The following FHIT variants were observed in gnomAD, a reference collection of about 807,000 sequenced individuals.
FHIT encodes the protein fragile histidine triad diadenosine triphosphatase.
In FHIT, 19 loss-of-function variants were observed where a neutral mutation model predicts 17.9. The ratio of observed to expected loss-of-function variants is 1.06; its 90% confidence interval spans 0.74 to 1.56. FHIT has a LOEUF of 1.56. FHIT is among the 40% of genes most tolerant of loss of function. The pLI is 0.00. For synonymous variants in FHIT, 81 were observed against 69.7 expected, an observed-to-expected ratio of 1.16 and a Z score of -0.81; for missense variants, 248 against 189.2, an observed-to-expected ratio of 1.31 and a Z score of -1.82.
chr3:60,398,248 C>T (rs1701529098), intron 5 of FHIT, among the ~76,000 whole-genome samples: 1 of 152,104 alleles, frequency 6.6e-6, no homozygotes, highest in African/African-American at 2.4e-5. Context: ...CTGTGGTTAT[C>T]GGAAACCTGA....
chr3:61,056,544 A>G (rs551701571), intron 2 of FHIT, among the ~76,000 whole-genome samples: 1 of 152,312 alleles, frequency 6.6e-6, no homozygotes, highest in African/African-American at 2.4e-5. Context: ...ACCCCAGACA[A>G]GGTGGTCAGG....
intron 8 of FHIT, among the ~76,000 whole-genome samples, chr3:59,790,506 TTCTCTCTC>T (rs574974245): frequency 4.6e-5 from 7 of 150,662 alleles, no homozygotes; most frequent in East Asian, 3.9e-4. Context: ...CTCTCTCTCT[TTCTCTCTC>T]TCTCTCTCTC....
At chr3:60,404,067 A>C (rs974542629) in intron 5 of FHIT, among the ~76,000 whole-genome samples, 1 of 152,202 alleles carries the variant, frequency 6.6e-6, no homozygotes, top group Non-Finnish European at 1.5e-5. Flanking sequence ...TTGTGGGCCA[A>C]GTCTGCCTTT....
At chr3:60,120,107 A>G (rs1482399905) in intron 5 of FHIT, among the ~76,000 whole-genome samples, 2 of 152,034 alleles carry the variant, frequency 1.3e-5, no homozygotes, top group African/African-American at 4.8e-5. Flanking sequence ...CCTTCCACCA[A>G]CCTTTTCCAG....
At chr3:60,298,715 T>C (rs532800784) in intron 5 of FHIT, among the ~76,000 whole-genome samples, 1 of 152,180 alleles carries the variant, frequency 6.6e-6, no homozygotes, top group Non-Finnish European at 1.5e-5. Context: ...GGAATTGATA[T>C]GATCATGTCA....
intron 7 of FHIT, among the ~76,000 whole-genome samples, chr3:59,972,472 G>T (rs973851701): frequency 2.0e-5 from 3 of 151,960 alleles, no homozygotes; most frequent in Non-Finnish European, 4.4e-5. Context: ...TAGCTCTATG[G>T]GTCAGGGTTG....
intron 1 of FHIT, among the ~76,000 whole-genome samples, chr3:61,205,673 T>C (rs530143234): frequency 6.6e-6 from 1 of 151,002 alleles, no homozygotes; most frequent in African/African-American, 2.4e-5. Context: ...GGGGTTGTTT[T>C]TGTCTTGTAA....
At chr3:61,121,724 C>G (rs143160645) in intron 2 of FHIT, among the ~76,000 whole-genome samples, 206 of 152,302 alleles carry the variant, frequency 1.4e-3, no homozygotes, top group African/African-American at 4.6e-3. Flanking sequence ...AAGACAGGAT[C>G]AAATTCACAC....
intron 4 of FHIT, among the ~76,000 whole-genome samples, chr3:60,707,064 A>G (rs540613780): frequency 6.6e-6 from 1 of 152,316 alleles, no homozygotes; most frequent in South Asian, 2.1e-4. Context: ...ATTTACTTCA[A>G]TATTCTACCC....
At chr3:60,530,334 T>C (rs1478934170) in intron 5 of FHIT, among the ~76,000 whole-genome samples, 1 of 152,156 alleles carries the variant, frequency 6.6e-6, no homozygotes, top group Admixed American at 6.5e-5. Flanking sequence ...GAACAGTGTT[T>C]CGTGGGTATG....
intron 2 of FHIT, among the ~76,000 whole-genome samples, chr3:61,195,112 C>G (rs2038817956): frequency 6.6e-6 from 1 of 151,554 alleles, no homozygotes; most frequent in Admixed American, 6.6e-5. Flanking sequence ...ATTTAGGGAA[C>G]TCTCAGGGAA....
intron 2 of FHIT, among the ~76,000 whole-genome samples, chr3:61,063,883 T>G (rs1347885639): frequency 2.6e-5 from 4 of 152,228 alleles, no homozygotes; most frequent in Non-Finnish European, 5.9e-5. Flanking sequence ...TAAAAACACT[T>G]TGACGATGAC....
intron 5 of FHIT, among the ~76,000 whole-genome samples, chr3:60,319,761 C>G (rs1709336113): frequency 6.6e-6 from 1 of 152,162 alleles, no homozygotes. Flanking sequence ...TTCTCCCCAG[C>G]AGTGGTTGCA....
At position 60,123,967 on chromosome 3, in the gene FHIT, AAT is replaced by A. The variant is rs1176212050; in HGVS notation, c.104-109817_104-109816del. On this transcript the variant is annotated intron_variant, in intron 5 of 9. Coordinates refer to ENST00000492590, the MANE Select transcript of FHIT (RefSeq NM_002012.4). ...CTTCCATTAACAGAAATGCACTAAAAATATATATATATATATATATATATATA... is the reference window on the plus strand; with the variant it reads ...CTTCCATTAACAGAAATGCACTAAAAATATATATATATATATATATATATA... 8.7e-3 allele frequency among the ~76,000 whole-genome samples: 241 copies of A among 27,732 alleles called. 4 individuals are homozygous for A. The highest frequency in any genetic ancestry group is 0.024 in the Middle Eastern group (1 of 42). The allele number at this position is 27,732 out of a possible 152,430, so 18.2% of individuals were successfully genotyped here. A position where few individuals can be genotyped will look rare whatever the true frequency, so the allele number is the denominator to read the frequency against.
intron 5 of FHIT, among the ~76,000 whole-genome samples, chr3:60,083,737 G>A (rs1217980206): frequency 6.6e-6 from 1 of 152,164 alleles, no homozygotes; most frequent in Non-Finnish European, 1.5e-5. Context: ...TGCCATTACA[G>A]CATTAAAGCA....
chr3:60,923,630 A>T (rs958907893), intron 3 of FHIT, among the ~76,000 whole-genome samples: 2 of 152,318 alleles, frequency 1.3e-5, no homozygotes, highest in Admixed American at 6.5e-5. Context: ...TCCCAGAGTA[A>T]GCAATGCAGA....
intron 4 of FHIT, among the ~76,000 whole-genome samples, chr3:60,761,830 G>A (rs376064364): frequency 2.6e-4 from 36 of 137,018 alleles, no homozygotes; most frequent in South Asian, 2.4e-3. Context: ...ACCAATGCCC[G>A]CCCCCTCCCC....
chr3:60,850,901 C>G (rs1320256400), intron 3 of FHIT, among the ~76,000 whole-genome samples: 1 of 152,090 alleles, frequency 6.6e-6, no homozygotes, highest in Non-Finnish European at 1.5e-5. Flanking sequence ...ATAAGGCACA[C>G]AGCTAAGTGA....
At chr3:60,016,577 A>T (rs1394042354) in intron 5 of FHIT, among the ~76,000 whole-genome samples, 1 of 152,322 alleles carries the variant, frequency 6.6e-6, no homozygotes, top group African/African-American at 2.4e-5. Flanking sequence ...AAGAGTTCAC[A>T]TTCTAATGTC....
Sources: allele counts gnomAD v4.1 joint callset (sites outside exome capture counted in the v4.1 genomes callset), GRCh38; gene constraint gnomAD v4.1.1; transcripts MANE v1.5; gene names NCBI Gene and HGNC (gene_info 2026-07-23, HGNC 2026-07-21).